The following RGS20 variants were observed in gnomAD, a reference collection of about 807,000 sequenced individuals.
RGS20 encodes the protein gz-selective GTPase-activating protein.
In RGS20, 30 loss-of-function variants were observed where a neutral mutation model predicts 33.6. That is an observed-to-expected ratio of 0.89 (90% CI 0.67 to 1.21). The LOEUF (loss-of-function observed/expected upper bound fraction) is 1.21. Among genes scored for constraint, RGS20 ranks in the 50% most tolerant of loss-of-function variants. The pLI, the probability that RGS20 is intolerant of heterozygous loss-of-function variation, is 0.00. For missense variants in RGS20, 472 were observed against 502.4 expected (o/e 0.94, Z 0.58); for synonymous variants, 208 against 197.9 (o/e 1.05, Z -0.43).
At chr8:53,873,953 C>T (rs1273230123) in intron 1 of RGS20, among the ~76,000 whole-genome samples, 1 of 152,024 alleles carries the variant, frequency 6.6e-6, no homozygotes, top group African/African-American at 2.4e-5. Flanking sequence ...AATCCCAGCC[C>T]TTTAGGAGGC....
chr8:53,901,314 C>T (rs920737841), intron 2 of RGS20, among the ~76,000 whole-genome samples: 19 of 152,206 alleles, frequency 1.2e-4, no homozygotes, highest in Admixed American at 8.5e-4. Context: ...GTGATCCACC[C>T]GCCTTGGCCT....
chr8:53,888,628 G>A (rs771030707), intron 2 of RGS20, among the ~76,000 whole-genome samples: 5 of 152,138 alleles, frequency 3.3e-5, no homozygotes, highest in Admixed American at 2.0e-4. Flanking sequence ...ATTGCCAAGC[G>A]TCCTCTGGGG....
At chr8:53,930,417 T>G (rs991255635) in intron 2 of RGS20, among the ~76,000 whole-genome samples, 1 of 152,196 alleles carries the variant, frequency 6.6e-6, no homozygotes. Context: ...TTTAAGTGAA[T>G]AGATATTTCA....
At chr8:53,944,453 A>G (rs538807378) in intron 3 of RGS20, among the ~76,000 whole-genome samples, 209 of 151,674 alleles carry the variant, frequency 1.4e-3, no homozygotes, top group African/African-American at 4.6e-3. Flanking sequence ...GAGGAGAATC[A>G]CTTAAACCCG....
intron 1 of RGS20, among the ~76,000 whole-genome samples, chr8:53,857,465 C>A (rs1005899396): frequency 2.0e-5 from 3 of 152,060 alleles, no homozygotes; most frequent in Non-Finnish European, 4.4e-5. Context: ...GCTCACAGAA[C>A]CCAGGACAAT....
chr8:53,853,064 C>T (rs1255316107), intron 1 of RGS20, among the ~76,000 whole-genome samples: 5 of 152,126 alleles, frequency 3.3e-5, no homozygotes, highest in Non-Finnish European at 1.5e-5. Flanking sequence ...CATCTAAGCA[C>T]TAAGAGTTTA....
intron 1 of RGS20, among the ~76,000 whole-genome samples, chr8:53,859,122 G>A (rs1182385848): frequency 6.6e-6 from 1 of 152,048 alleles, no homozygotes; most frequent in Non-Finnish European, 1.5e-5. Context: ...TTTGTATTTT[G>A]AAAATTAACA....
chr8:53,944,131 TAAAG>T (rs905043552), intron 3 of RGS20, among the ~76,000 whole-genome samples: 7 of 151,876 alleles, frequency 4.6e-5, no homozygotes, highest in African/African-American at 1.7e-4. Context: ...AGCAACAAGA[TAAAG>T]AAAACCCAAA....
chr8:53,958,992 AGTATGTATGTAT>A lies in RGS20; in HGVS notation c.*544_*555del, dbSNP rs372841819. On this transcript the variant is annotated 3_prime_UTR_variant, in exon 6 of 6. Coordinates refer to ENST00000297313, the MANE Select transcript of RGS20 (RefSeq NM_170587.4). ...AAAATAGCATTCTACTTGATCTTAC[AGTATGTATGTAT>A]GTATGTATGGAGACATATGTGTGCG... The A allele has an allele frequency of 6.6e-6, 1 of 152,266 alleles. No individual in the cohort carries two copies. The highest frequency in any genetic ancestry group is 2.4e-5 in the African/African-American group (1 of 41,410). 9.4% of individuals were successfully genotyped at this position (152,266 alleles called of 1,614,324 possible). A position where few individuals can be genotyped will look rare whatever the true frequency, so the allele number is the denominator to read the frequency against.
At chr8:53,862,017 A>G (rs755648939) in intron 1 of RGS20, among the ~76,000 whole-genome samples, 1 of 152,170 alleles carries the variant, frequency 6.6e-6, no homozygotes, top group Non-Finnish European at 1.5e-5. Context: ...CCTGAAGATA[A>G]GCAGAGTGAA....
At chr8:53,866,847 G>T (rs1811930310) in intron 1 of RGS20, among the ~76,000 whole-genome samples, 1 of 152,138 alleles carries the variant, frequency 6.6e-6, no homozygotes, top group Non-Finnish European at 1.5e-5. Flanking sequence ...TGCATGCTTG[G>T]GGAGGCAGGT....
chr8:53,932,053 T>A (rs1230959829), intron 2 of RGS20, among the ~76,000 whole-genome samples: 1 of 152,170 alleles, frequency 6.6e-6, no homozygotes. Flanking sequence ...GGGTGGAAAA[T>A]TCTTTTCTTT....
chr8:53,954,034 T>C, intron 4 of RGS20, 42 bp from the exon 4 acceptor site: 1 of 1,327,396 alleles, frequency 7.5e-7, no homozygotes, highest in Non-Finnish European at 1.1e-6. Context: ...TAACTACCAC[T>C]AACAGTTCCC....
chr8:53,877,073 A>G lies in RGS20; in HGVS notation c.166-2185A>G, dbSNP rs1375343308. Among the ~76,000 whole-genome samples, 1 of 152,222 alleles carries G rather than the reference A, an allele frequency of 6.6e-6. No homozygotes were observed. The highest frequency in any genetic ancestry group is 2.4e-5 in the African/African-American group (1 of 41,468). On this transcript the variant is annotated intron_variant, in intron 1 of 5. Coordinates refer to ENST00000297313, the MANE Select transcript of RGS20 (RefSeq NM_170587.4). This position sits in a 1 kb window ranked among gnomAD's most constrained non-coding sequence, Gnocchi z 5.7. ...TTTGAAAACATGAGCTGGAGACGCC[A>G]AATTCTGGGACCCACGAAAGGCTTT...
intron 1 of RGS20, chr8:53,852,187 A>C: frequency 1.1e-6 from 1 of 948,214 alleles, no homozygotes; most frequent in Non-Finnish European, 1.5e-6. Context: ...TTTATCAAAA[A>C]TGTTTTCAAA....
chr8:53,890,152 T>C lies in RGS20; in HGVS notation c.510+10550T>C, dbSNP rs1812673280. Among the ~76,000 whole-genome samples, 4 of 152,334 alleles carry C rather than the reference T, an allele frequency of 2.6e-5. No homozygotes were observed. The South Asian group carries it at 8.3e-4, about 32-fold the overall frequency. On this transcript the variant is annotated intron_variant, in intron 2 of 5. Transcript: ENST00000297313. ...TATTGTCTGATCTGTTTTGTTCATT[T>C]CGCATATCTTTCTGCTTCAATTTGA...
chr8:53,890,628 G>A (rs1812687682), intron 2 of RGS20, among the ~76,000 whole-genome samples: 1 of 152,164 alleles, frequency 6.6e-6, no homozygotes, highest in Non-Finnish European at 1.5e-5. Flanking sequence ...GTCAGATCTG[G>A]TAACAGTTTT....
At chr8:53,878,588 T>C (rs1812260350) in intron 1 of RGS20, among the ~76,000 whole-genome samples, 1 of 152,112 alleles carries the variant, frequency 6.6e-6, no homozygotes, top group African/African-American at 2.4e-5. Flanking sequence ...TAACATGGAA[T>C]CCCGGTGTCC....
chr8:53,893,884 C>T (rs887574947), intron 2 of RGS20, among the ~76,000 whole-genome samples: 9 of 151,926 alleles, frequency 5.9e-5, no homozygotes, highest in South Asian at 2.1e-4. Flanking sequence ...TCTAGTAAAG[C>T]GAAAAACTCA....
Sources: gnomAD v4.1 joint callset for allele counts (sites outside exome capture counted in the v4.1 genomes callset) on GRCh38, gnomAD v4.1.1 for gene constraint, Gnocchi (gnomAD v3.1) non-coding constraint, MANE v1.5 for transcripts, NCBI Gene and HGNC (gene_info 2026-07-23, HGNC 2026-07-21) for gene names.